Variants in SLC25A24 observed in about 807,000 individuals in gnomAD.
SLC25A24 encodes mitochondrial adenyl nucleotide antiporter SLC25A24.
SLC25A24 carries 49 observed loss-of-function variants against 60.7 expected under a neutral mutation model. The ratio of observed to expected loss-of-function variants is 0.81; its 90% CI spans 0.64 to 1.02. SLC25A24 has a LOEUF of 1.02. SLC25A24 is among the 50% of genes least tolerant of loss of function. The probability of loss-of-function intolerance (pLI) is 0.00; values close to 1 mark genes in which losing one functional copy is unlikely to be tolerated. For synonymous variants in SLC25A24, 202 were observed against 200.6 expected, an observed-to-expected ratio of 1.01 and a Z score of -0.06; for missense variants, 564 against 586.3, an observed-to-expected ratio of 0.96 and a Z score of 0.39.
At chr1:108,161,372 G>T (rs1680078987) in intron 3 of SLC25A24, 79 bp from the exon 4 acceptor site, 1 of 756,896 alleles carries the variant, frequency 1.3e-6, no homozygotes, top group Non-Finnish European at 2.3e-6. Context: ...TTTACAGAAT[G>T]ACAGTTTCTT....
chr1:108,147,239 T>G (rs1172229036), intron 7 of SLC25A24, among the ~76,000 whole-genome samples: 4 of 152,200 alleles, frequency 2.6e-5, no homozygotes, highest in Non-Finnish European at 5.9e-5. Flanking sequence ...TAGTTTGCAT[T>G]TCTGTGGGAT....
Position 108,188,738 on chromosome 1 carries a change from G to C in SLC25A24, c.184-2784C>G, listed in dbSNP as rs181738266. On this transcript the variant is annotated intron_variant, in intron 1 of 9. Coordinates refer to ENST00000565488, the MANE Select transcript of SLC25A24 (RefSeq NM_013386.5). ...ATCTGTCTCCCTATGCTGGCTTTAA[G>C]GTAGTTATTAGAAAAGGTTTGGGGG... 8.5e-5 allele frequency among the ~76,000 whole-genome samples: 13 copies of C among 152,318 alleles called. No homozygotes were observed. The East Asian group carries it at 2.3e-3, about 27-fold the overall frequency.
At chr1:108,169,606 C>A (rs1647374197) in intron 3 of SLC25A24, among the ~76,000 whole-genome samples, 1 of 152,092 alleles carries the variant, frequency 6.6e-6, no homozygotes, top group African/African-American at 2.4e-5. Flanking sequence ...TTATAATGAT[C>A]TCCTAGAAAG....
chr1:108,139,363 T>C (rs1273996807), intron 8 of SLC25A24, among the ~76,000 whole-genome samples, 155 bp from the exon 9 acceptor site: 2 of 152,226 alleles, frequency 1.3e-5, no homozygotes, highest in African/African-American at 4.8e-5. Context: ...GCGGTGACTC[T>C]GTGGAGAGGT....
At chr1:108,163,919 G>C (rs867589918) in intron 3 of SLC25A24, among the ~76,000 whole-genome samples, 16 of 152,284 alleles carry the variant, frequency 1.1e-4, no homozygotes, top group African/African-American at 3.9e-4. Context: ...TATGATATTG[G>C]CTGTGGGTTT....
rs1332463570 is a variant in SLC25A24 at position 108,134,780 on chromosome 1, T to C, written c.*1873A>G. 1 of 151,922 alleles carries C rather than the reference T, an allele frequency of 6.6e-6. No homozygotes were observed. Among genetic ancestry groups the C allele is most frequent in the Admixed American group, 6.6e-5 (1 of 15,264 alleles). 9.4% of individuals were successfully genotyped at this position (151,922 alleles called of 1,614,324 possible). Reference sequence around the variant, plus strand: ...TTTTTTCAATTAGGAAACTGAGACTTAAGAATTTTCTCTAAAAAAAATAAA... The same window carrying C: ...TTTTTTCAATTAGGAAACTGAGACTCAAGAATTTTCTCTAAAAAAAATAAA... On this transcript the variant is annotated 3_prime_UTR_variant, in exon 10 of 10. Transcript: ENST00000565488.
chr1:108,185,368 T>G (rs1441514963), intron 2 of SLC25A24, among the ~76,000 whole-genome samples: 6 of 152,196 alleles, frequency 3.9e-5, no homozygotes, highest in Non-Finnish European at 5.9e-5. Context: ...CAGAGATATC[T>G]TCTCTAAATT....
chr1:108,186,485 A>G (rs1571308304), intron 1 of SLC25A24, among the ~76,000 whole-genome samples: 1 of 152,200 alleles, frequency 6.6e-6, no homozygotes, highest in East Asian at 1.9e-4. Flanking sequence ...TGAGCCCAGG[A>G]ATTTGAGGTT....
chr1:108,141,095 A>G (rs533068935), intron 8 of SLC25A24, among the ~76,000 whole-genome samples: 1 of 152,322 alleles, frequency 6.6e-6, no homozygotes, highest in African/African-American at 2.4e-5. Flanking sequence ...AAGGATGGAA[A>G]AAGATATTCC....
At chr1:108,150,815 G>A (rs1209485863) in intron 6 of SLC25A24, among the ~76,000 whole-genome samples, 1 of 151,998 alleles carries the variant, frequency 6.6e-6, no homozygotes, top group South Asian at 2.1e-4. Flanking sequence ...AACACCTACC[G>A]GGTTAATCAA....
intron 1 of SLC25A24, among the ~76,000 whole-genome samples, chr1:108,186,424 G>A (rs1216446710): frequency 6.6e-6 from 1 of 152,022 alleles, no homozygotes; most frequent in Admixed American, 6.6e-5. Context: ...AGATGTGTTG[G>A]TGCATGCCTG....
At chr1:108,152,246 A>G (rs768579177) in intron 6 of SLC25A24, among the ~76,000 whole-genome samples, 2 of 152,094 alleles carry the variant, frequency 1.3e-5, no homozygotes, top group Non-Finnish European at 2.9e-5. Flanking sequence ...AACACACTCC[A>G]CCAGTCTTGA....
chr1:108,154,735 C>T (rs1679847169), intron 6 of SLC25A24, among the ~76,000 whole-genome samples: 1 of 151,990 alleles, frequency 6.6e-6, no homozygotes, highest in Non-Finnish European at 1.5e-5. Flanking sequence ...TCTACCCTTC[C>T]TTTAAGAACT....
chr1:108,182,131 T>A, intron 2 of SLC25A24, 103 bp from the exon 3 acceptor site: 1 of 774,288 alleles, frequency 1.3e-6, no homozygotes, highest in East Asian at 2.6e-5. Context: ...TTTAAACTGA[T>A]TAAGGCAAAA....
At chr1:108,156,898 T>A (rs1259890144) in intron 5 of SLC25A24, among the ~76,000 whole-genome samples, 1 of 152,188 alleles carries the variant, frequency 6.6e-6, no homozygotes, top group African/African-American at 2.4e-5. Context: ...GGAAAAATGA[T>A]AAAATACCTA....
chr1:108,162,229 T>C (rs573886286), intron 3 of SLC25A24, among the ~76,000 whole-genome samples: 2 of 151,340 alleles, frequency 1.3e-5, no homozygotes, highest in East Asian at 3.9e-4. Context: ...GTCTTTGCTA[T>C]TGTGAATAGT....
chr1:108,154,974 AAC>A lies in SLC25A24; in HGVS notation c.822+7_822+8del. On this transcript the variant is annotated splice_region_variant and intron_variant, in intron 6 of 9. Transcript: ENST00000565488. ...TTTGTTAATAAATTCCACGGGTGAT[AAC>A]AATTACCTGTTCATATGCCCAGAAT... 6.3e-7 allele frequency: 1 copy of A among 1,596,972 alleles called. No homozygotes were observed. Among genetic ancestry groups the A allele is most frequent in the South Asian group, 1.1e-5 (1 of 88,170 alleles).
At chr1:108,179,772 A>G (rs1647848786) in intron 3 of SLC25A24, among the ~76,000 whole-genome samples, 2 of 152,284 alleles carry the variant, frequency 1.3e-5, no homozygotes, top group Non-Finnish European at 2.9e-5. Context: ...GACATGAGGA[A>G]TAAGTTCAAG....
At position 108,143,689 on chromosome 1, in the gene SLC25A24, C is replaced by T; in HGVS notation, c.952G>A (p.Val318Ile). 2 of 1,610,712 alleles carry T rather than the reference C, an allele frequency of 1.2e-6. No individual in the cohort carries two copies. The highest frequency in any genetic ancestry group is 1.7e-6 in the Non-Finnish European group (2 of 1,179,004). The change falls in exon 8 of 10, where the codon GTA (valine) becomes ATA (isoleucine). Residue 318 changes from valine to isoleucine, a missense_variant. Coordinates refer to ENST00000565488, the MANE Select transcript of SLC25A24 (RefSeq NM_013386.5). ...CCAGAGTACTGCCCAGTTTTGCCTA[C>T]AGCCAGCCTGGTTTTCATAACCTGG... ...PMEVMKTRLA[V>I]GKTGQYSGIY... is the part of the protein sequence containing the mutation.
Sources: gnomAD v4.1 joint callset for allele counts (sites outside exome capture counted in the v4.1 genomes callset) on GRCh38, gnomAD v4.1.1 for gene constraint, MANE v1.5 for transcripts, NCBI Gene and HGNC (gene_info 2026-07-23, HGNC 2026-07-21) for gene names.